RNLS: variants seen among roughly 807,000 people sequenced by gnomAD.
The protein encoded by RNLS is renalase, FAD dependent amine oxidase.
Under a neutral mutation model 39.8 loss-of-function variants are expected in RNLS, and 39 were observed. The ratio of observed to expected loss-of-function variants is 0.98; its 90% CI spans 0.76 to 1.28. RNLS has a LOEUF of 1.28. RNLS is among the 50% of genes most tolerant of loss of function. The probability of loss-of-function intolerance (pLI) is 0.00; values close to 1 mark genes in which losing one functional copy is unlikely to be tolerated. For missense variants in RNLS, 410 were observed against 413.3 expected (o/e 0.99, Z 0.07); for synonymous variants, 147 against 150.7 (o/e 0.98, Z 0.18).
intron 4 of RNLS, among the ~76,000 whole-genome samples, chr10:88,389,848 G>A (rs1656097183): frequency 2.0e-5 from 3 of 152,182 alleles, no homozygotes; most frequent in Non-Finnish European, 2.9e-5. Context: ...TAAAGGAAGA[G>A]CAATGACATA....
At chr10:88,410,719 C>T (rs1178658103) in intron 4 of RNLS, among the ~76,000 whole-genome samples, 2 of 151,818 alleles carry the variant, frequency 1.3e-5, no homozygotes, top group African/African-American at 4.8e-5. Context: ...AATTACTTAA[C>T]CCAAGTCAGT....
chr10:88,328,885 T>C (rs530935896), intron 5 of RNLS, among the ~76,000 whole-genome samples: 1 of 152,282 alleles, frequency 6.6e-6, no homozygotes, highest in East Asian at 1.9e-4. Context: ...GTTCTTAAAA[T>C]GAACTTCTAA....
intron 4 of RNLS, among the ~76,000 whole-genome samples, chr10:88,381,998 ATATC>A (rs1276947535): frequency 1.3e-5 from 2 of 152,140 alleles, no homozygotes; most frequent in Non-Finnish European, 2.9e-5. Context: ...TTTCATATAT[ATATC>A]TATTATCTAT....
intron 4 of RNLS, among the ~76,000 whole-genome samples, chr10:88,440,028 C>A (rs1452655476): frequency 2.0e-5 from 3 of 152,280 alleles, no homozygotes; most frequent in African/African-American, 4.8e-5. Context: ...GTCACTCCCA[C>A]TAGATTATAA....
chr10:88,523,350 T>C (rs1351686118), intron 4 of RNLS, among the ~76,000 whole-genome samples: 2 of 152,192 alleles, frequency 1.3e-5, no homozygotes, highest in African/African-American at 2.4e-5. Flanking sequence ...AAGGACACTC[T>C]ACTTTCTATT....
chr10:88,349,808 C>G (rs1301036124), intron 5 of RNLS, among the ~76,000 whole-genome samples: 1 of 151,734 alleles, frequency 6.6e-6, no homozygotes, highest in African/African-American at 2.4e-5. Context: ...TCTGATATTA[C>G]TATCACATGA....
At chr10:88,214,560 G>T in the RNLS span, among the ~76,000 whole-genome samples, 5 of 149,476 alleles carry the variant, frequency 3.3e-5, no homozygotes, top group Non-Finnish European at 7.4e-5. Flanking sequence ...ATAATCATAT[G>T]CATATTTATG....
In RNLS at chr10:88,568,253, T is replaced by C. The variant is rs533815200; in HGVS notation, c.526+4650A>G. Among the ~76,000 whole-genome samples the C allele has an allele frequency of 8.6e-5, 13 of 152,044 alleles. No homozygotes were observed. In the East Asian group the frequency reaches 1.9e-3, roughly 23 times the overall value. On this transcript the variant is annotated intron_variant, in intron 4 of 6. Coordinates refer to ENST00000331772, the MANE Select transcript of RNLS (RefSeq NM_001031709.3). ...GACCTTTTATCTGGAATCCAGGTAA[T>C]AGGGAAATCTATAGGGACAGATAGT...
intron 4 of RNLS, among the ~76,000 whole-genome samples, chr10:88,466,987 A>G (rs1843247094): frequency 6.6e-6 from 1 of 152,182 alleles, no homozygotes; most frequent in Non-Finnish European, 1.5e-5. Context: ...TTTACAGCTG[A>G]GTAACAAACC....
At chr10:88,490,864 C>T (rs778043910) in intron 4 of RNLS, among the ~76,000 whole-genome samples, 1 of 152,044 alleles carries the variant, frequency 6.6e-6, no homozygotes, top group Non-Finnish European at 1.5e-5. Context: ...AAAATCCTAT[C>T]AAAAATATTT....
the RNLS span, among the ~76,000 whole-genome samples, chr10:88,173,241 G>A: frequency 6.6e-6 from 1 of 152,088 alleles, no homozygotes; most frequent in African/African-American, 2.4e-5. Context: ...TGAAGAAGCT[G>A]TCCTTTCTTC....
chr10:88,240,658 A>C, the RNLS span, among the ~76,000 whole-genome samples: 12 of 151,976 alleles, frequency 7.9e-5, no homozygotes. Context: ...CTTCCCTCTT[A>C]ATTATTACTG....
intron 4 of RNLS, among the ~76,000 whole-genome samples, chr10:88,430,435 A>G (rs1457541183): frequency 1.3e-5 from 2 of 151,824 alleles, no homozygotes; most frequent in African/African-American, 4.8e-5. Flanking sequence ...GTCATCTGTA[A>G]ATAGAGACAG....
At chr10:88,231,144 C>G in the RNLS span, among the ~76,000 whole-genome samples, 61 of 152,318 alleles carry the variant, frequency 4.0e-4, no homozygotes, top group African/African-American at 1.4e-3. Flanking sequence ...ATGTTAAAGT[C>G]CTGGCCCTCA....
At chr10:88,413,856 C>G (rs113436304) in intron 4 of RNLS, among the ~76,000 whole-genome samples, 8 of 152,222 alleles carry the variant, frequency 5.3e-5, no homozygotes, top group African/African-American at 1.7e-4. Context: ...GTCAATACTT[C>G]CTACTCATCA....
chr10:88,352,251 TGA>T (rs1300035926), intron 5 of RNLS, among the ~76,000 whole-genome samples: 1 of 152,132 alleles, frequency 6.6e-6, no homozygotes, highest in Non-Finnish European at 1.5e-5. Context: ...ATAGGAGTGG[TGA>T]GAGAGGGCAT....
At chr10:88,453,749 C>T (rs189211607) in intron 4 of RNLS, among the ~76,000 whole-genome samples, 37 of 152,300 alleles carry the variant, frequency 2.4e-4, no homozygotes, top group Admixed American at 6.5e-4. Context: ...CTGATGACAT[C>T]CTTTCTTTCT....
chr10:88,512,456 C>T (rs2092724066), intron 4 of RNLS, among the ~76,000 whole-genome samples: 2 of 152,008 alleles, frequency 1.3e-5, no homozygotes, highest in African/African-American at 4.8e-5. Context: ...TTCACAGATA[C>T]TCACCAAACA....
Position 88,349,928 on chromosome 10 carries a change from T to C in RNLS, c.700+12624A>G, listed in dbSNP as rs570786621. On this transcript the variant is annotated intron_variant, in intron 5 of 6. Coordinates refer to ENST00000331772, the MANE Select transcript of RNLS (RefSeq NM_001031709.3). ...ATAGGGAAAACATCAGTTACATAAC[T>C]GAATTACAAATAACTATGTCTATTA... Among the ~76,000 whole-genome samples, 73 of 152,158 alleles carry C rather than the reference T, an allele frequency of 4.8e-4. No homozygotes were observed. In the South Asian group the frequency reaches 0.01, roughly 21 times the overall value.
Sources: allele counts gnomAD v4.1 joint callset (sites outside exome capture counted in the v4.1 genomes callset), GRCh38; gene constraint gnomAD v4.1.1; transcripts MANE v1.5; gene names NCBI Gene and HGNC (gene_info 2026-07-23, HGNC 2026-07-21).